HDAC7: variants seen among roughly 807,000 people sequenced by gnomAD.
HDAC7 encodes the protein histone deacetylase 7A.
In HDAC7, 26 loss-of-function variants were observed where a neutral mutation model predicts 115.5. The observed-to-expected ratio is 0.23, with a 90% CI of 0.16 to 0.31. HDAC7 has a LOEUF of 0.31. Among genes scored for constraint, HDAC7 ranks in the 10% least tolerant of loss-of-function variants. The probability of loss-of-function intolerance (pLI) is 1.00; values close to 1 mark genes in which losing one functional copy is unlikely to be tolerated. For missense variants in HDAC7, 1,068 were observed against 1,329.0 expected (o/e 0.80, Z 3.05); for synonymous variants, 564 against 550.9 (o/e 1.02, Z -0.33).
intron 1 of HDAC7, among the ~76,000 whole-genome samples, chr12:47,815,064 A>G (rs1039408219): frequency 6.6e-6 from 1 of 152,174 alleles, no homozygotes; most frequent in Non-Finnish European, 1.5e-5. Flanking sequence ...TGCCTAGAAC[A>G]TTGCAAGGCT....
At position 47,787,780 on chromosome 12, in the gene HDAC7, A is replaced by G. The variant is rs1311331894; in HGVS notation, c.2385T>C (p.Asn795=). The change falls in exon 21 of 26, where the codon AAT becomes AAC. Residue 795 remains asparagine (N), a synonymous_variant. Coordinates refer to ENST00000080059, the MANE Select transcript of HDAC7 (RefSeq NM_015401.5). ...EVGAGSGEGF[N]VNVAWAGGLD... ...GACCTCCAGCCCAGGCCACATTGACATTGAAGCCCTCACCGCTGCCAGCCC... is the reference window on the plus strand; with the variant it reads ...GACCTCCAGCCCAGGCCACATTGACGTTGAAGCCCTCACCGCTGCCAGCCC... 2 of 1,612,970 alleles carry G rather than the reference A, an allele frequency of 1.2e-6. No individual in the cohort carries two copies. The highest frequency in any genetic ancestry group is 2.7e-5 in the African/African-American group (2 of 74,912).
At chr12:47,787,647 T>C in intron 21 of HDAC7, 65 bp downstream of exon 21, 1 of 1,155,132 alleles carries the variant, frequency 8.7e-7, no homozygotes, top group Non-Finnish European at 1.2e-6. Flanking sequence ...ACCTCCCCCC[T>C]GGTGCTCTTG....
intron 16 of HDAC7, chr12:47,790,168 G>T: frequency 1.9e-6 from 1 of 516,622 alleles, no homozygotes; most frequent in South Asian, 2.2e-5. Context: ...GCAGCATCAC[G>T]CCTGCCTCCC....
chr12:47,791,509 G>C, intron 15 of HDAC7, 77 bp downstream of exon 15: 1 of 1,525,308 alleles, frequency 6.6e-7, no homozygotes, highest in Non-Finnish European at 8.8e-7. Flanking sequence ...TGGCTGGGCG[G>C]GCAGAGCCGA....
Position 47,798,476 on chromosome 12 carries a change from C to G in HDAC7, c.349+86G>C, listed in dbSNP as rs1365537356. On this transcript the variant is annotated intron_variant, in intron 4 of 25. Coordinates refer to ENST00000080059, the MANE Select transcript of HDAC7 (RefSeq NM_015401.5). The surrounding 1 kb of genome is among the most constrained non-coding windows in gnomAD (Gnocchi z 4.3). ...CTCAGGCCCAGCTGGCTGCGGCCCT[C>G]CCACCTCACCCCTCACAAGCCACAC... is the stretch of plus-strand genomic sequence containing the variant. 10 of 1,271,402 alleles carry G rather than the reference C, an allele frequency of 7.9e-6. No homozygotes were observed. Among genetic ancestry groups the G allele is most frequent in the Non-Finnish European group, 1.1e-5 (10 of 881,622 alleles). 78.8% of individuals were successfully genotyped at this position (1,271,402 alleles called of 1,614,324 possible).
chr12:47,785,614 G>A, intron 23 of HDAC7, 138 bp downstream of exon 23: 1 of 1,378,402 alleles, frequency 7.3e-7, no homozygotes, highest in South Asian at 1.4e-5. Flanking sequence ...TTGGAACAGA[G>A]GCTTCCGCTT....
rs568751987 is a variant in HDAC7 at position 47,816,017 on chromosome 12, G to A, written c.19+3750C>T. Among the ~76,000 whole-genome samples the A allele has an allele frequency of 3.3e-4, 50 of 150,664 alleles. 1 individual carries two copies. The highest frequency in any genetic ancestry group is 6.8e-3 in the Middle Eastern group (2 of 292). On this transcript the variant is annotated intron_variant, in intron 1 of 25. Coordinates refer to ENST00000080059, the MANE Select transcript of HDAC7 (RefSeq NM_015401.5). ...AGCAATTCTCCTGCCTCAGCCTCCCGAGTAGCTGGGATTACAGGCGCGCAC... is the reference window on the plus strand; with the variant it reads ...AGCAATTCTCCTGCCTCAGCCTCCCAAGTAGCTGGGATTACAGGCGCGCAC...
At chr12:47,811,815 C>T (rs543473898) in intron 1 of HDAC7, among the ~76,000 whole-genome samples, 2 of 152,334 alleles carry the variant, frequency 1.3e-5, no homozygotes, top group East Asian at 1.9e-4. Flanking sequence ...TACAACCTAG[C>T]GTCCTCTGCC....
In HDAC7 at chr12:47,784,220, G is replaced by T. The variant is rs1236849463; in HGVS notation, c.2792-3C>A. Reference sequence around the variant, plus strand: ...CTGCATGCAGCCCCAGTATTTACCTGGGGTAAGATGCCAGGTCAGAAAGGG... The same window carrying T: ...CTGCATGCAGCCCCAGTATTTACCTTGGGTAAGATGCCAGGTCAGAAAGGG... On this transcript the variant is annotated splice_polypyrimidine_tract_variant and splice_region_variant and intron_variant, in intron 24 of 25. Transcript: ENST00000080059. 6.2e-7 allele frequency: 1 copy of T among 1,608,784 alleles called. No individual in the cohort carries two copies. The highest frequency in any genetic ancestry group is 8.5e-7 in the Non-Finnish European group (1 of 1,177,578).
chr12:47,789,759 C>T (rs1011432833), intron 17 of HDAC7, 54 bp downstream of exon 17: 4 of 1,448,098 alleles, frequency 2.8e-6, no homozygotes, highest in South Asian at 2.3e-5. Context: ...TTCCCCACTA[C>T]CCCACTCTGC....
At chr12:47,785,964 T>C in intron 22 of HDAC7, 79 bp from the exon 23 acceptor site, 1 of 1,372,280 alleles carries the variant, frequency 7.3e-7, no homozygotes, top group Non-Finnish European at 9.8e-7. Context: ...GCTTCCCTGC[T>C]TGCTTCCTCC....
rs766807162 is a variant in HDAC7, at chr12:47,795,945, C to T, written c.867G>A (p.Leu289=). ...GCAGCCCCAGAGTGATTGCGGGCAG[C>T]AAGGACACTGTCGGCAAGGCGAACG... ...VAPFALPTVS[L]LPAITLGLPA... The change falls in exon 9 of 26, where the codon TTG becomes TTA. Residue 289 remains leucine, a synonymous_variant. Transcript: ENST00000080059. The surrounding 1 kb of genome is among the most constrained non-coding windows in gnomAD (Gnocchi z 4.3). 2 of 1,551,038 alleles carry T rather than the reference C, an allele frequency of 1.3e-6. No homozygotes were observed. The highest frequency in any genetic ancestry group is 4.9e-5 in the East Asian group (2 of 41,072).
intron 16 of HDAC7, 46 bp from the exon 17 acceptor site, chr12:47,789,966 A>G: frequency 2.8e-6 from 4 of 1,436,990 alleles, no homozygotes; most frequent in Non-Finnish European, 3.9e-6. Flanking sequence ...GGCTTCACAC[A>G]GGAGCCAGGG....
At chr12:47,796,339 G>A in intron 7 of HDAC7, 41 bp from the exon 8 acceptor site, 1 of 1,518,156 alleles carries the variant, frequency 6.6e-7, no homozygotes, top group Non-Finnish European at 8.9e-7. Context: ...CAGAGGCCAG[G>A]GTGGGCAGGA....
rs758947326 is a variant in HDAC7, at chr12:47,784,225, A to G, written c.2792-8T>C. The G allele has an allele frequency of 5.7e-5, 91 of 1,608,090 alleles. No homozygotes were observed. Among genetic ancestry groups the G allele is most frequent in the Non-Finnish European group, 7.5e-5 (88 of 1,177,266 alleles). ...TGCAGCCCCAGTATTTACCTGGGGT[A>G]AGATGCCAGGTCAGAAAGGGTTGGA... On this transcript the variant is annotated splice_polypyrimidine_tract_variant and splice_region_variant and intron_variant, in intron 24 of 25. Coordinates refer to ENST00000080059, the MANE Select transcript of HDAC7 (RefSeq NM_015401.5).
chr12:47,805,073 A>ATT lies in HDAC7; in HGVS notation c.20-2801_20-2800dup, dbSNP rs561801413. Reference sequence around the variant, plus strand: ...CCGATGCCTCCAGTGTCTTTTCTTAATTTTTTTTTTTTTTTGAGGTACGGT... The same window carrying ATT: ...CCGATGCCTCCAGTGTCTTTTCTTAATTTTTTTTTTTTTTTTTGAGGTACGGT... On this transcript the variant is annotated intron_variant, in intron 1 of 25. Transcript: ENST00000080059. 5.8e-3 allele frequency among the ~76,000 whole-genome samples: 825 copies of ATT among 143,008 alleles called. 5 individuals carry two copies. The highest frequency in any genetic ancestry group is 8.6e-3 in the Non-Finnish European group (561 of 65,296). The allele number at this position is 143,008 out of a possible 152,430, so 93.8% of individuals were successfully genotyped here. A position where few individuals can be genotyped will look rare whatever the true frequency, so the allele number is the denominator to read the frequency against.
At chr12:47,786,128 G>A (rs1354894905) in intron 22 of HDAC7, 1 of 505,250 alleles carries the variant, frequency 2.0e-6, no homozygotes, top group Non-Finnish European at 3.5e-6. Context: ...AGCAAGGTAG[G>A]ACCTGAACTT....
chr12:47,785,363 C>G, intron 24 of HDAC7, 24 bp downstream of exon 24: 1 of 1,578,724 alleles, frequency 6.3e-7, no homozygotes, highest in Admixed American at 1.8e-5. Flanking sequence ...CTGAGCTCAG[C>G]GAGTGTCCCA....
At chr12:47,800,714 G>A (rs1420832095) in intron 2 of HDAC7, among the ~76,000 whole-genome samples, 1 of 152,208 alleles carries the variant, frequency 6.6e-6, no homozygotes, top group East Asian at 1.9e-4. Context: ...AGGGGCTTGG[G>A]GGAACCAAGG....
Sources: gnomAD v4.1 joint callset for allele counts (sites outside exome capture counted in the v4.1 genomes callset) on GRCh38, gnomAD v4.1.1 for gene constraint, Gnocchi (gnomAD v3.1) non-coding constraint, MANE v1.5 for transcripts, NCBI Gene and HGNC (gene_info 2026-07-23, HGNC 2026-07-21) for gene names.